The following EPHB1 variants were observed in gnomAD, a reference collection of about 807,000 sequenced individuals.
The protein encoded by EPHB1 is EPH receptor B1.
EPHB1 carries 30 observed loss-of-function variants against 94.4 expected under a neutral mutation model. That is an observed-to-expected ratio of 0.32 (90% CI 0.24 to 0.43). EPHB1 has a LOEUF of 0.43. EPHB1 is among the 20% of genes least tolerant of loss of function. The probability of loss-of-function intolerance (pLI) is 1.00; values close to 1 mark genes in which losing one functional copy is unlikely to be tolerated. For synonymous variants in EPHB1, 522 were observed against 489.1 expected (o/e 1.07, Z -0.89); for missense variants, 1,055 against 1,308.3 (o/e 0.81, Z 2.99).
chr3:135,032,566 A>T (rs111771798), intron 3 of EPHB1, among the ~76,000 whole-genome samples: 2 of 152,152 alleles, frequency 1.3e-5, no homozygotes, highest in Admixed American at 6.5e-5. Flanking sequence ...CACCCAGGCC[A>T]TCTCTTCATA....
rs114275249 is a variant in EPHB1 at position 134,845,457 on chromosome 3, A to G, written c.58+49768A>G. The stretch of plus-strand genomic sequence containing the variant: ...CACATCTAGTGGCAAAGACAGGCAT[A>G]AAAAATAACTTGCAAAGCTGTGGGC... On this transcript the variant is annotated intron_variant, in intron 1 of 15. Coordinates refer to ENST00000398015, the MANE Select transcript of EPHB1 (RefSeq NM_004441.5). 5.8e-3 allele frequency among the ~76,000 whole-genome samples: 879 copies of G among 152,344 alleles called. 11 individuals carry two copies. Among genetic ancestry groups the G allele is most frequent in the African/African-American group, 0.02 (844 of 41,580 alleles).
chr3:135,214,122 T>C (rs1356899710), intron 12 of EPHB1, among the ~76,000 whole-genome samples: 2 of 152,140 alleles, frequency 1.3e-5, no homozygotes, highest in East Asian at 3.9e-4. Context: ...CTTTCTCTCT[T>C]CTCATGTCAG....
At chr3:134,957,503 G>T (rs889527007) in intron 3 of EPHB1, among the ~76,000 whole-genome samples, 2 of 152,168 alleles carry the variant, frequency 1.3e-5, no homozygotes, top group African/African-American at 4.8e-5. Flanking sequence ...GAAGGTATCC[G>T]AGCATCACTA....
intron 3 of EPHB1, among the ~76,000 whole-genome samples, chr3:135,050,420 A>C (rs899067141): frequency 6.6e-6 from 1 of 152,200 alleles, no homozygotes; most frequent in Non-Finnish European, 1.5e-5. Context: ...TGCATTTGTC[A>C]TATTTTTGCC....
intron 6 of EPHB1, among the ~76,000 whole-genome samples, chr3:135,155,787 CAAAA>C (rs35095229): frequency 5.0e-5 from 3 of 59,458 alleles, no homozygotes; most frequent in South Asian, 1.8e-3. Flanking sequence ...AAGACTTTGT[CAAAA>C]AAAAAAAAAA....
chr3:135,100,892 G>T (rs1939011114), intron 3 of EPHB1, among the ~76,000 whole-genome samples: 1 of 152,150 alleles, frequency 6.6e-6, no homozygotes, highest in South Asian at 2.1e-4. Context: ...GGCATGGGGT[G>T]CTCAGATCTT....
At chr3:134,919,951 G>C (rs967304475) in intron 1 of EPHB1, among the ~76,000 whole-genome samples, 1 of 152,074 alleles carries the variant, frequency 6.6e-6, no homozygotes, top group Non-Finnish European at 1.5e-5. Flanking sequence ...AGGGGCTGGG[G>C]AAAAGAAGGA....
At chr3:135,108,859 C>A (rs116659272) in intron 4 of EPHB1, among the ~76,000 whole-genome samples, 1 of 152,120 alleles carries the variant, frequency 6.6e-6, no homozygotes, top group Non-Finnish European at 1.5e-5. Context: ...AGGCAGGTGA[C>A]AAGTGACTCC....
At chr3:135,243,148 TCTGA>T (rs1401948422) in intron 13 of EPHB1, among the ~76,000 whole-genome samples, 11 of 149,748 alleles carry the variant, frequency 7.3e-5, no homozygotes, top group Non-Finnish European at 1.6e-4. Flanking sequence ...AAGACCTTAA[TCTGA>T]CTAAGAACAA....
At chr3:135,182,426 C>T (rs1942180608) in intron 10 of EPHB1, among the ~76,000 whole-genome samples, 1 of 152,084 alleles carries the variant, frequency 6.6e-6, no homozygotes, top group Non-Finnish European at 1.5e-5. Flanking sequence ...CCTCTTCTTC[C>T]CTCAGGCTTT....
At chr3:134,968,646 A>T (rs1169790072) in intron 3 of EPHB1, among the ~76,000 whole-genome samples, 1 of 152,184 alleles carries the variant, frequency 6.6e-6, no homozygotes, top group African/African-American at 2.4e-5. Context: ...ATGAATTTTG[A>T]TACATGCATA....
intron 3 of EPHB1, among the ~76,000 whole-genome samples, chr3:134,954,900 G>A (rs961460905): frequency 6.6e-6 from 1 of 152,092 alleles, no homozygotes; most frequent in Non-Finnish European, 1.5e-5. Flanking sequence ...GCAAAGAGTG[G>A]TCCTGGCCTA....
intron 4 of EPHB1, among the ~76,000 whole-genome samples, chr3:135,131,716 C>T (rs1002203071): frequency 6.6e-6 from 1 of 152,196 alleles, no homozygotes; most frequent in Admixed American, 6.5e-5. Flanking sequence ...AGTTTTGCAA[C>T]AAGGCATTTC....
chr3:135,228,960 CTT>C (rs1280326133), intron 12 of EPHB1, among the ~76,000 whole-genome samples: 1 of 152,186 alleles, frequency 6.6e-6, no homozygotes, highest in Non-Finnish European at 1.5e-5. Context: ...CACCCCCCCA[CTT>C]TTTACCAGGT....
intron 3 of EPHB1, among the ~76,000 whole-genome samples, chr3:134,965,581 A>G (rs1237419486): frequency 6.6e-6 from 1 of 152,154 alleles, no homozygotes; most frequent in African/African-American, 2.4e-5. Flanking sequence ...AAAGAAAGAG[A>G]ATTTCCTCTA....
At chr3:135,048,414 T>C (rs762521302) in intron 3 of EPHB1, among the ~76,000 whole-genome samples, 5 of 151,888 alleles carry the variant, frequency 3.3e-5, no homozygotes, top group Admixed American at 1.3e-4. Context: ...GGACTATGGG[T>C]GTGTGCCACC....
chr3:135,155,370 C>T (rs1286908049), intron 6 of EPHB1, among the ~76,000 whole-genome samples: 1 of 151,944 alleles, frequency 6.6e-6, no homozygotes, highest in Non-Finnish European at 1.5e-5. Flanking sequence ...AGGGCAACAG[C>T]CTATGCAAAG....
chr3:134,953,113 C>T (rs1022920808), intron 3 of EPHB1, among the ~76,000 whole-genome samples: 1 of 152,146 alleles, frequency 6.6e-6, no homozygotes, highest in Non-Finnish European at 1.5e-5. Context: ...ACTTATTCTC[C>T]ATTGTGAGCC....
chr3:134,910,421 T>C (rs1043199664), intron 1 of EPHB1, among the ~76,000 whole-genome samples: 1 of 152,224 alleles, frequency 6.6e-6, no homozygotes, highest in African/African-American at 2.4e-5. Flanking sequence ...CACAGAGGCA[T>C]TCACTGCAAG....
Sources: allele counts gnomAD v4.1 joint callset (sites outside exome capture counted in the v4.1 genomes callset), GRCh38; gene constraint gnomAD v4.1.1; transcripts MANE v1.5; gene names NCBI Gene and HGNC (gene_info 2026-07-23, HGNC 2026-07-21).